Variants in ASB18 observed in about 807,000 individuals in gnomAD.
ASB18 encodes the protein ankyrin repeat and SOCS box containing 18.
A neutral mutation model predicts 33.4 loss-of-function variants in ASB18; 33 were observed. The ratio of observed to expected loss-of-function variants is 0.99; its 90% confidence interval spans 0.75 to 1.32. The LOEUF (loss-of-function observed/expected upper bound fraction) is 1.32, where lower values mean the gene tolerates loss of function less well. Among genes scored for constraint, ASB18 ranks in the 40% most tolerant of loss-of-function variants. ASB18 has a pLI of 0.00. For synonymous variants in ASB18, 295 were observed against 307.6 expected (o/e 0.96, Z 0.43); for missense variants, 694 against 655.5 (o/e 1.06, Z -0.64).
Position 236,225,399 on chromosome 2 carries a change from C to T in ASB18, c.597-10533G>A, listed in dbSNP as rs915237273. 5.3e-5 allele frequency among the ~76,000 whole-genome samples: 8 copies of T among 152,216 alleles called. No individual in the cohort carries two copies. Among genetic ancestry groups the T allele is most frequent in the Non-Finnish European group, 2.9e-5 (2 of 68,042 alleles). On this transcript the variant is annotated intron_variant, in intron 3 of 5. Transcript: ENST00000409749. The surrounding 1 kb of genome is among the most constrained non-coding windows in gnomAD (Gnocchi z 5.1). ...AAATGATGGGATTACAGGCAGGAGC[C>T]ACTGTGCCCACATGATTTATTTTTC...
At chr2:236,254,886 C>A (rs954364359) in intron 1 of ASB18, among the ~76,000 whole-genome samples, 12 of 152,014 alleles carry the variant, frequency 7.9e-5, no homozygotes, top group African/African-American at 2.7e-4. Flanking sequence ...GGGCGGAGTT[C>A]CCAGGAACGG....
intron 1 of ASB18, among the ~76,000 whole-genome samples, chr2:236,243,462 G>A (rs1026670896): frequency 3.9e-5 from 6 of 151,946 alleles, no homozygotes; most frequent in Non-Finnish European, 8.8e-5. Flanking sequence ...GCAGATGTGT[G>A]TTCCAAGGGT....
chr2:236,229,987 AC>A lies in ASB18; in HGVS notation c.596+7701del, dbSNP rs1373425906. ...ACAAAGATAAAACTAGGAGTTTGAG[AC>A]CACCCTGGGCAGCAAAACAAGACCT... On this transcript the variant is annotated intron_variant, in intron 3 of 5. Coordinates refer to ENST00000409749, the MANE Select transcript of ASB18 (RefSeq NM_212556.4). The surrounding 1 kb of genome is among the most constrained non-coding windows in gnomAD (Gnocchi z 5.2). 1.3e-5 allele frequency among the ~76,000 whole-genome samples: 2 copies of A among 152,144 alleles called. No individual in the cohort carries two copies. Among genetic ancestry groups the A allele is most frequent in the Non-Finnish European group, 2.9e-5 (2 of 68,028 alleles).
In ASB18 at chr2:236,211,539, A is replaced by C. The variant is rs186011312; in HGVS notation, c.1101+2823T>G. Among the ~76,000 whole-genome samples the C allele has an allele frequency of 2.6e-5, 4 of 152,308 alleles. No individual in the cohort carries two copies. Among genetic ancestry groups the C allele is most frequent in the African/African-American group, 7.2e-5 (3 of 41,570 alleles). Reference sequence around the variant, plus strand: ...TGGGTGTCTCTTTACATCTATTCACAGTACGGCTGCTGCCCACGGACGGCT... The same window carrying C: ...TGGGTGTCTCTTTACATCTATTCACCGTACGGCTGCTGCCCACGGACGGCT... On this transcript the variant is annotated intron_variant, in intron 4 of 5. Transcript: ENST00000409749. The surrounding 1 kb of genome is among the most constrained non-coding windows in gnomAD (Gnocchi z 5.0).
rs546665521 is a variant in ASB18 at position 236,211,414 on chromosome 2, C to T, written c.1101+2948G>A. Among the ~76,000 whole-genome samples, 147 of 152,352 alleles carry T rather than the reference C, an allele frequency of 9.6e-4. No homozygotes were observed. Among genetic ancestry groups the T allele is most frequent in the African/African-American group, 3.4e-3 (141 of 41,586 alleles). On this transcript the variant is annotated intron_variant, in intron 4 of 5. Transcript: ENST00000409749. The surrounding 1 kb of genome is among the most constrained non-coding windows in gnomAD (Gnocchi z 5.0). The stretch of plus-strand genomic sequence containing the variant: ...CCGGCTCGGAAGGATGCCCTGTGTC[C>T]GCCTGCCGCGACGATGGTGCCTTTG...
rs2060513728 is a variant in ASB18, at chr2:236,221,700, C to T, written c.597-6834G>A. 2.0e-5 allele frequency among the ~76,000 whole-genome samples: 3 copies of T among 152,140 alleles called. No individual in the cohort carries two copies. Among genetic ancestry groups the T allele is most frequent in the Admixed American group, 1.3e-4 (2 of 15,282 alleles). The stretch of plus-strand genomic sequence containing the variant: ...AACGGACTAATACAGCATCTGTCTC[C>T]TTAAGTCACCGGAGTCCTTGGGCAA... On this transcript the variant is annotated intron_variant, in intron 3 of 5. Transcript: ENST00000409749. This position sits in a 1 kb window ranked among gnomAD's most constrained non-coding sequence, Gnocchi z 5.6.
intron 4 of ASB18, among the ~76,000 whole-genome samples, chr2:236,206,357 G>A (rs2060433639): frequency 1.3e-5 from 2 of 152,142 alleles, no homozygotes; most frequent in Admixed American, 6.6e-5. Context: ...TAAGCCAACT[G>A]AGGACACCTC....
chr2:236,259,430 G>A lies in ASB18; in HGVS notation c.205+4711C>T. The A allele has an allele frequency of 2.2e-6, 1 of 447,270 alleles. No homozygotes were observed. The highest frequency in any genetic ancestry group is 4.7e-6 in the Non-Finnish European group (1 of 212,106). 27.7% of individuals were successfully genotyped at this position (447,270 alleles called of 1,614,324 possible). A position where few individuals can be genotyped will look rare whatever the true frequency, so the allele number is the denominator to read the frequency against. On this transcript the variant is annotated intron_variant, in intron 1 of 5. Transcript: ENST00000409749. The surrounding 1 kb of genome is among the most constrained non-coding windows in gnomAD (Gnocchi z 4.4). ...GCATTCAGGTTTGAATTATCCAGTT[G>A]GTATATAAAAAGCAGCCTAGCAAGG... is the stretch of plus-strand genomic sequence containing the variant.
chr2:236,202,473 T>C (rs1035580640), intron 4 of ASB18, among the ~76,000 whole-genome samples: 78 of 152,114 alleles, frequency 5.1e-4, no homozygotes, highest in Admixed American at 2.0e-4. Context: ...CTTCCGTATT[T>C]TGGAAGTATG....
At position 236,238,610 on chromosome 2, in the gene ASB18, G is replaced by GGGGT. The variant is rs1553601613; in HGVS notation, c.329-655_329-654insACCC. ...GGTTTGTTTCTTTGCGCTTTTTAGG[G>GGGGT]GTGTGTGTGTGTGTGTGTGTAGGGT... On this transcript the variant is annotated intron_variant, in intron 2 of 5. Coordinates refer to ENST00000409749, the MANE Select transcript of ASB18 (RefSeq NM_212556.4). This position sits in a 1 kb window ranked among gnomAD's most constrained non-coding sequence, Gnocchi z 5.2. Among the ~76,000 whole-genome samples the GGGGT allele has an allele frequency of 4.0e-5, 6 of 150,380 alleles. No homozygotes were observed. Among genetic ancestry groups the GGGGT allele is most frequent in the African/African-American group, 7.3e-5 (3 of 40,888 alleles).
chr2:236,206,696 A>T (rs914088251), intron 4 of ASB18, among the ~76,000 whole-genome samples: 1 of 152,202 alleles, frequency 6.6e-6, no homozygotes, highest in Admixed American at 6.5e-5. Context: ...AAAGGAAACC[A>T]CTCTAGGTAT....
At chr2:236,254,857 G>C (rs2060684828) in intron 1 of ASB18, among the ~76,000 whole-genome samples, 1 of 152,072 alleles carries the variant, frequency 6.6e-6, no homozygotes, top group South Asian at 2.1e-4. Flanking sequence ...GGGCCTGGTG[G>C]GAGGTGATGG....
chr2:236,207,559 C>T (rs950954485), intron 4 of ASB18, among the ~76,000 whole-genome samples: 8 of 152,184 alleles, frequency 5.3e-5, no homozygotes, highest in African/African-American at 1.9e-4. Flanking sequence ...GAACCAGATG[C>T]AAATTTTGCC....
intron 1 of ASB18, among the ~76,000 whole-genome samples, chr2:236,243,918 C>T (rs2219065): frequency 0.43 from 65,855 of 151,588 alleles, 14,879 homozygotes; most frequent in East Asian, 0.58. Flanking sequence ...CCTCTGCCTC[C>T]AGGGCTCCAG....
rs114298380 is a variant in ASB18, at chr2:236,194,505, G to A, written c.*367C>T. 8.5e-4 allele frequency among the ~76,000 whole-genome samples: 129 copies of A among 152,280 alleles called. No individual in the cohort carries two copies. The highest frequency in any genetic ancestry group is 3.1e-3 in the African/African-American group (129 of 41,550). On this transcript the variant is annotated 3_prime_UTR_variant, in exon 6 of 6. Transcript: ENST00000409749. This position sits in a 1 kb window ranked among gnomAD's most constrained non-coding sequence, Gnocchi z 4.5. ...ATATCAATTAACCTTGGGAAAACTG[G>A]CATTGTTATACCTCATTTAGCTTAA...
Position 236,197,822 on chromosome 2 carries a change from CA to C in ASB18, c.1102-1438del, listed in dbSNP as rs35276424. On this transcript the variant is annotated intron_variant, in intron 4 of 5. Transcript: ENST00000409749. ...GGGCAACAAGAGTGAAACTCAGTCT[CA>C]AAAAAAAAAAGAAGCTGGACCAAAT... 8.9e-5 allele frequency among the ~76,000 whole-genome samples: 13 copies of C among 146,600 alleles called. 1 individual carries two copies. The highest frequency in any genetic ancestry group is 3.4e-4 in the Admixed American group (5 of 14,592).
chr2:236,212,895 G>A (rs2060465628), intron 4 of ASB18, among the ~76,000 whole-genome samples: 6 of 152,190 alleles, frequency 3.9e-5, no homozygotes. Context: ...CTCCCAAAGT[G>A]CTGGGATTAC....
In ASB18 at chr2:236,222,100, C is replaced by T. The variant is rs762352839; in HGVS notation, c.597-7234G>A. 4.6e-5 allele frequency among the ~76,000 whole-genome samples: 7 copies of T among 152,150 alleles called. No homozygotes were observed. Among genetic ancestry groups the T allele is most frequent in the East Asian group, 1.9e-4 (1 of 5,170 alleles). ...TGCCCCAGCTGACTCCGATGAAGGACGGGGAAGCCACAGCTCCACGACTTT... is the reference window on the plus strand; with the variant it reads ...TGCCCCAGCTGACTCCGATGAAGGATGGGGAAGCCACAGCTCCACGACTTT... On this transcript the variant is annotated intron_variant, in intron 3 of 5. Coordinates refer to ENST00000409749, the MANE Select transcript of ASB18 (RefSeq NM_212556.4). This position sits in a 1 kb window ranked among gnomAD's most constrained non-coding sequence, Gnocchi z 5.5.
chr2:236,232,003 A>G (rs181560028), intron 3 of ASB18, among the ~76,000 whole-genome samples: 3 of 152,354 alleles, frequency 2.0e-5, no homozygotes, highest in South Asian at 4.1e-4. Flanking sequence ...TGGTTAGGCA[A>G]TTTGATTTAA....
Sources: allele counts gnomAD v4.1 joint callset (sites outside exome capture counted in the v4.1 genomes callset), GRCh38; gene constraint gnomAD v4.1.1; non-coding constraint Gnocchi (gnomAD v3.1); transcripts MANE v1.5; gene names NCBI Gene and HGNC (gene_info 2026-07-23, HGNC 2026-07-21).